The following GRWD1 variants were observed in gnomAD, a reference collection of about 807,000 sequenced individuals.
GRWD1 encodes the protein glutamate rich WD repeat containing 1.
Under a neutral mutation model 45.3 loss-of-function variants are expected in GRWD1, and 29 were observed. That is an observed-to-expected ratio of 0.64 (90% CI 0.48 to 0.87). GRWD1 has a LOEUF of 0.87. Ranked by LOEUF, GRWD1 falls within the 40% of genes least tolerant of loss-of-function variation. The pLI is 0.00. For missense variants in GRWD1, 592 were observed against 618.8 expected (o/e 0.96, Z 0.46); for synonymous variants, 262 against 257.6 (o/e 1.02, Z -0.16).
Position 48,450,608 on chromosome 19 carries a change from G to A in GRWD1, c.683-58G>A. ...AAGGGGCCGGGCGCTTAGACTCCAA[G>A]GAGGGGAGCGAGCTGCGGCCAGGTG... On this transcript the variant is annotated intron_variant, in intron 4 of 6. Coordinates refer to ENST00000253237, the MANE Select transcript of GRWD1 (RefSeq NM_031485.4). This position sits in a 1 kb window ranked among gnomAD's most constrained non-coding sequence, Gnocchi z 5.1. 6.2e-7 allele frequency: 1 copy of A among 1,610,110 alleles called. No homozygotes were observed. The highest frequency in any genetic ancestry group is 8.5e-7 in the Non-Finnish European group (1 of 1,177,606).
At chr19:48,446,949 T>C (rs1481411573) in intron 3 of GRWD1, 106 bp downstream of exon 3, 7 of 1,124,982 alleles carry the variant, frequency 6.2e-6, no homozygotes, top group Middle Eastern at 3.0e-4. Flanking sequence ...TTTTTTTTTT[T>C]TTTTTGAGAC....
chr19:48,454,621 TC>T lies in GRWD1; in HGVS notation c.*1600del, dbSNP rs1309837025. On this transcript the variant is annotated 3_prime_UTR_variant, in exon 7 of 7. Transcript: ENST00000253237. ...CTCCATGCAAGGCACCGCTGAGCCA[TC>T]CCCTCCTGCTCTGCTGCGTCGCCCC... The T allele has an allele frequency of 6.6e-6, 1 of 152,036 alleles. No individual in the cohort carries two copies. The highest frequency in any genetic ancestry group is 1.5e-5 in the Non-Finnish European group (1 of 68,226). 9.4% of individuals were successfully genotyped at this position (152,036 alleles called of 1,614,324 possible).
chr19:48,446,012 G>C lies in GRWD1; in HGVS notation c.7G>C (p.Ala3Pro), dbSNP rs752396659. 5.0e-6 allele frequency: 8 copies of C among 1,584,508 alleles called. No homozygotes were observed. In the African/African-American group the frequency reaches 1.1e-4, roughly 21 times the overall value. Residue 3 changes from alanine (A) to proline (P), a missense_variant, in exon 1 of 7, where the codon GCG becomes CCG. By Grantham distance (27) the Ala-to-Pro change is conservative (BLOSUM62 -1). Transcript: ENST00000253237. ...GCAGCGAGAGGGTTCGAAGATGGCGGCGCGCAAGGGTCGGCGGCGCACGTG... is the reference window on the plus strand; with the variant it reads ...GCAGCGAGAGGGTTCGAAGATGGCGCCGCGCAAGGGTCGGCGGCGCACGTG... The part of the protein sequence containing the change: MA[A>P]RKGRRRTCET...
chr19:48,446,865 T>A, intron 3 of GRWD1, 22 bp downstream of exon 3: 1 of 1,605,824 alleles, frequency 6.2e-7, no homozygotes, highest in East Asian at 2.2e-5. Flanking sequence ...CCCAGGAGCC[T>A]GCTCTGCATA....
chr19:48,450,489 C>T lies in GRWD1; in HGVS notation c.645C>T (p.Gly215=), dbSNP rs758598151. ...TCTTCTCCTTCGCTGGACACATGGG[C>T]GAGGGCTTTGCCCTTGACTGGTCCC... ...KPIFSFAGHM[G]EGFALDWSPR... The change falls in exon 4 of 7, where the codon GGC becomes GGT. Residue 215 remains glycine (G), a synonymous_variant. Coordinates refer to ENST00000253237, the MANE Select transcript of GRWD1 (RefSeq NM_031485.4). This position sits in a 1 kb window ranked among gnomAD's most constrained non-coding sequence, Gnocchi z 5.1. 22 of 1,614,018 alleles carry T rather than the reference C, an allele frequency of 1.4e-5. No homozygotes were observed. Among genetic ancestry groups the T allele is most frequent in the African/African-American group, 2.7e-5 (2 of 74,946 alleles).
At chr19:48,447,116 C>T (rs1339081307) in intron 3 of GRWD1, among the ~76,000 whole-genome samples, 1 of 139,698 alleles carries the variant, frequency 7.2e-6, no homozygotes, top group Non-Finnish European at 1.5e-5. Flanking sequence ...CTCTGTTGTC[C>T]AGGCTGGAGT....
Position 48,452,089 on chromosome 19 carries a change from C to CTT in GRWD1, c.1024-603_1024-602dup, listed in dbSNP as rs58562169. 2.7e-5 allele frequency among the ~76,000 whole-genome samples: 4 copies of CTT among 146,038 alleles called. No homozygotes were observed. The highest frequency in any genetic ancestry group is 2.1e-4 in the East Asian group (1 of 4,850). On this transcript the variant is annotated intron_variant, in intron 6 of 6. Transcript: ENST00000253237. The surrounding 1 kb of genome is among the most constrained non-coding windows in gnomAD (Gnocchi z 5.1). ...GGGAGAGCCATGCCCTCCTTTTTTT[C>CTT]TTTTTTTTTTTTTTTTTCTTTTTTT...
Position 48,452,662 on chromosome 19 carries a change from C to T in GRWD1, c.1024-46C>T. ...CTTCTGCCTGGGTCCTCCCCAGAGT[C>T]AGGCTGAGGCATTCAGAGCCCGTTC... On this transcript the variant is annotated intron_variant, in intron 6 of 6. Coordinates refer to ENST00000253237, the MANE Select transcript of GRWD1 (RefSeq NM_031485.4). The surrounding 1 kb of genome is among the most constrained non-coding windows in gnomAD (Gnocchi z 5.1). 1 of 1,482,040 alleles carries T rather than the reference C, an allele frequency of 6.7e-7. No homozygotes were observed. Among genetic ancestry groups the T allele is most frequent in the Non-Finnish European group, 9.1e-7 (1 of 1,092,914 alleles). 91.8% of individuals were successfully genotyped at this position (1,482,040 alleles called of 1,614,324 possible).
chr19:48,446,382 C>G lies in GRWD1; in HGVS notation c.188-3C>G, dbSNP rs770839299. 1 of 1,613,698 alleles carries G rather than the reference C, an allele frequency of 6.2e-7. No individual in the cohort carries two copies. Among genetic ancestry groups the G allele is most frequent in the Non-Finnish European group, 8.5e-7 (1 of 1,179,690 alleles). The stretch of plus-strand genomic sequence containing the variant: ...ACTCGTAAACCCCGCCTTCCATCCC[C>G]AGGCGCCCCCTGTCTCAGCTTTGAC... On this transcript the variant is annotated splice_region_variant and splice_polypyrimidine_tract_variant and intron_variant, in intron 1 of 6. Coordinates refer to ENST00000253237, the MANE Select transcript of GRWD1 (RefSeq NM_031485.4).
Position 48,454,921 on chromosome 19 carries a change from C to T in GRWD1, c.*1896C>T, listed in dbSNP as rs1971521264. On this transcript the variant is annotated 3_prime_UTR_variant, in exon 7 of 7. Coordinates refer to ENST00000253237, the MANE Select transcript of GRWD1 (RefSeq NM_031485.4). ...CTCTGTCTTCACAATTTCATCTCCC[C>T]ATGTCGCCATTTCTTAAAACATTTC... 1 of 152,182 alleles carries T rather than the reference C, an allele frequency of 6.6e-6. No individual in the cohort carries two copies. The highest frequency in any genetic ancestry group is 1.5e-5 in the Non-Finnish European group (1 of 68,142). The allele number at this position is 152,182 out of a possible 1,614,324, so 9.4% of individuals were successfully genotyped here.
In GRWD1 at chr19:48,452,389, C is replaced by T. The variant is rs1971485290; in HGVS notation, c.1024-319C>T. ...CTGAGATTACAGTCGTGAGCCACCG[C>T]ACCCAGCCCATGCCCTCCTTTTACA... On this transcript the variant is annotated intron_variant, in intron 6 of 6. Transcript: ENST00000253237. This position sits in a 1 kb window ranked among gnomAD's most constrained non-coding sequence, Gnocchi z 5.1. Among the ~76,000 whole-genome samples the T allele has an allele frequency of 6.6e-6, 1 of 151,848 alleles. No homozygotes were observed. The highest frequency in any genetic ancestry group is 1.5e-5 in the Non-Finnish European group (1 of 67,948).
At chr19:48,448,510 ATGTCCAAAGG>A (rs1971436485) in intron 3 of GRWD1, among the ~76,000 whole-genome samples, 1 of 152,228 alleles carries the variant, frequency 6.6e-6, no homozygotes, top group Admixed American at 6.5e-5. Context: ...AATGTGTACC[ATGTCCAAAGG>A]TGTTAACTAT....
Position 48,446,242 on chromosome 19 carries a change from T to G in GRWD1, c.187+50T>G, listed in dbSNP as rs374116810. The G allele has an allele frequency of 1.8e-5, 28 of 1,575,064 alleles. No individual in the cohort carries two copies. In the African/African-American group the frequency reaches 3.1e-4, roughly 18 times the overall value. ...GTCCTGAGGTGGCTGATCCCGAGCC[T>G]TTAACCTGAGAGGTGCTCGGGAAGA... On this transcript the variant is annotated intron_variant, in intron 1 of 6. Transcript: ENST00000253237.
In GRWD1 at chr19:48,451,106, A is replaced by ACCAAGAAC. The variant is rs1971471210; in HGVS notation, c.898_899insCCAAGAAC (p.Met300ThrfsTer60). On this transcript the variant is annotated frameshift_variant, in exon 6 of 7. Transcript: ENST00000253237. LOFTEE classifies it high-confidence loss of function. ...CCGGGCAGCCCCCAGCAAGGCCTGC[A>ACCAAGAAC]TGCTCACCACAGCCACCGCCCATGA... 2.5e-6 allele frequency: 4 copies of ACCAAGAAC among 1,613,986 alleles called. No homozygotes were observed. Among genetic ancestry groups the ACCAAGAAC allele is most frequent in the Non-Finnish European group, 3.4e-6 (4 of 1,180,002 alleles).
In GRWD1 at chr19:48,446,847, A is replaced by C. The variant is rs1971411447; in HGVS notation, c.468+4A>C. 1 of 1,611,416 alleles carries C rather than the reference A, an allele frequency of 6.2e-7. No homozygotes were observed. Among genetic ancestry groups the C allele is most frequent in the Non-Finnish European group, 8.5e-7 (1 of 1,179,188 alleles). On this transcript the variant is annotated splice_donor_region_variant and intron_variant, in intron 3 of 6. Transcript: ENST00000253237. ...TGGTGGCATCAACCGAGTTCGGGTAAGTATGGTCCCAGGAGCCTGCTCTGC... is the reference window on the plus strand; with the variant it reads ...TGGTGGCATCAACCGAGTTCGGGTACGTATGGTCCCAGGAGCCTGCTCTGC...
chr19:48,449,595 G>C (rs1971448413), intron 3 of GRWD1, among the ~76,000 whole-genome samples: 1 of 152,218 alleles, frequency 6.6e-6, no homozygotes, highest in African/African-American at 2.4e-5. Flanking sequence ...AGCTGATGCA[G>C]AAGGATCGCT....
chr19:48,446,044 CG>C lies in GRWD1; in HGVS notation c.43del (p.Glu15AsnfsTer57). ...AGGGTCGGCGGCGCACGTGTGAAACCGGGGAACCCATGGAAGCCGAGTCCGG... is the reference window on the plus strand; with the variant it reads ...AGGGTCGGCGGCGCACGTGTGAAACCGGGAACCCATGGAAGCCGAGTCCGG... ...RKGRRRTCET[G>X]EPMEAESGDT... On this transcript the variant is annotated frameshift_variant, in exon 1 of 7. Coordinates refer to ENST00000253237, the MANE Select transcript of GRWD1 (RefSeq NM_031485.4). LOFTEE classifies it high-confidence loss of function. 6.3e-7 allele frequency: 1 copy of C among 1,597,070 alleles called. No homozygotes were observed. The highest frequency in any genetic ancestry group is 1.1e-5 in the South Asian group (1 of 88,354).
rs1464200693 is a variant in GRWD1 at position 48,455,778 on chromosome 19, G to C, written c.*2753G>C. On this transcript the variant is annotated 3_prime_UTR_variant, in exon 7 of 7. Transcript: ENST00000253237. The stretch of plus-strand genomic sequence containing the variant: ...CCCTGGCACTGCGGGGGCCTGGCCA[G>C]CTCATGGCGTTCCCTGAGCCTGTTC... 2.6e-5 allele frequency: 4 copies of C among 152,318 alleles called. No individual in the cohort carries two copies. The highest frequency in any genetic ancestry group is 9.6e-5 in the African/African-American group (4 of 41,456). The allele number at this position is 152,318 out of a possible 1,614,324, so 9.4% of individuals were successfully genotyped here.
chr19:48,450,836 T>C lies in GRWD1; in HGVS notation c.825+28T>C. 1 of 1,602,476 alleles carries C rather than the reference T, an allele frequency of 6.2e-7. No homozygotes were observed. The highest frequency in any genetic ancestry group is 1.1e-5 in the South Asian group (1 of 90,134). On this transcript the variant is annotated intron_variant, in intron 5 of 6. Transcript: ENST00000253237. This position sits in a 1 kb window ranked among gnomAD's most constrained non-coding sequence, Gnocchi z 5.1. ...GAGGGAGGGTGGGGTTCTGGTCGTT[T>C]AGTTCTGATGGATTCTAGGCCAGGG...
Sources: gnomAD v4.1 joint callset for allele counts (sites outside exome capture counted in the v4.1 genomes callset) on GRCh38, gnomAD v4.1.1 for gene constraint, Gnocchi (gnomAD v3.1) non-coding constraint, MANE v1.5 for transcripts, NCBI Gene and HGNC (gene_info 2026-07-23, HGNC 2026-07-21) for gene names.